Variants in FERMT2 observed in about 807,000 individuals in gnomAD.
FERMT2 encodes the protein FERM domain containing kindlin 2, also known as fermitin family homolog 2.
FERMT2 carries 15 observed loss-of-function variants against 82.7 expected under a neutral mutation model. That is an observed-to-expected ratio of 0.18 (90% confidence interval 0.12 to 0.28). The LOEUF is 0.28. Among genes scored for constraint, FERMT2 ranks in the 10% least tolerant of loss-of-function variants. The pLI is 1.00. For synonymous variants in FERMT2, 274 were observed against 271.5 expected, an observed-to-expected ratio of 1.01 and a Z score of -0.09; for missense variants, 645 against 809.4, an observed-to-expected ratio of 0.80 and a Z score of 2.46.
intron 6 of FERMT2, among the ~76,000 whole-genome samples, chr14:52,880,717 A>G (rs1210968882): frequency 6.6e-6 from 1 of 152,146 alleles, no homozygotes; most frequent in African/African-American, 2.4e-5. Context: ...CCAGTTCTAT[A>G]GTACCAAAAG....
At chr14:52,950,671 G>C (rs908604819) in intron 1 of FERMT2, 94 bp from the exon 2 acceptor site, 25 of 1,316,572 alleles carry the variant, frequency 1.9e-5, no homozygotes, top group Middle Eastern at 2.5e-4. Flanking sequence ...GGGCTGGGAG[G>C]TGGTGGAGGA....
intron 14 of FERMT2, chr14:52,859,016 G>C (rs1884739352): frequency 6.3e-6 from 1 of 157,604 alleles, no homozygotes; most frequent in Non-Finnish European, 1.4e-5. Flanking sequence ...TGACTTATTA[G>C]TAAAAGATGG....
At chr14:52,915,802 C>T (rs7143313) in intron 3 of FERMT2, among the ~76,000 whole-genome samples, 21,339 of 151,986 alleles carry the variant, frequency 0.14, 1,738 homozygotes, top group African/African-American at 0.22. Flanking sequence ...AAATCAATCA[C>T]GAACAAAGGT....
rs117234735 is a variant in FERMT2 at position 52,908,263 on chromosome 14, A to T, written c.391+10860T>A. On this transcript the variant is annotated intron_variant, in intron 3 of 14. Coordinates refer to ENST00000341590, the MANE Select transcript of FERMT2 (RefSeq NM_006832.3). ...AAATAGTACAGCCACTTTGGAAAAGAATTTGACTATTTATTACAAGCTGAA... is the reference window on the plus strand; with the variant it reads ...AAATAGTACAGCCACTTTGGAAAAGTATTTGACTATTTATTACAAGCTGAA... Among the ~76,000 whole-genome samples the T allele has an allele frequency of 5.6e-4, 85 of 152,316 alleles. No homozygotes were observed. In the East Asian group the frequency reaches 0.016, roughly 29 times the overall value.
chr14:52,878,455 T>A, intron 7 of FERMT2, 127 bp downstream of exon 7: 1 of 650,936 alleles, frequency 1.5e-6, no homozygotes, highest in East Asian at 2.8e-5. Context: ...AAGTGTCTAC[T>A]CACTTTCTTC....
rs192911239 is a variant in FERMT2, at chr14:52,915,541, A to G, written c.391+3582T>C. 3.7e-4 allele frequency among the ~76,000 whole-genome samples: 55 copies of G among 150,576 alleles called. 1 individual carries two copies. Among genetic ancestry groups the G allele is most frequent in the African/African-American group, 1.3e-3 (52 of 41,418 alleles). ...ATGTGGAGAAATAACAGACAATTCA[A>G]TAAACAGTGTTGGCTAGCATTTTCT... is the stretch of plus-strand genomic sequence containing the variant. On this transcript the variant is annotated intron_variant, in intron 3 of 14. Coordinates refer to ENST00000341590, the MANE Select transcript of FERMT2 (RefSeq NM_006832.3).
At position 52,858,186 on chromosome 14, in the gene FERMT2, T is replaced by TATTA. The variant is rs1026854121; in HGVS notation, c.*187_*190dup. On this transcript the variant is annotated 3_prime_UTR_variant, in exon 15 of 15. Transcript: ENST00000341590. ...AAGGAATGTGTGACAAATTCAAGTT[T>TATTA]ATTATATCATAACATGATAGATTAA... 9 of 528,148 alleles carry TATTA rather than the reference T, an allele frequency of 1.7e-5. No individual in the cohort carries two copies. Among genetic ancestry groups the TATTA allele is most frequent in the Admixed American group, 1.3e-4 (4 of 31,384 alleles). The allele number at this position is 528,148 out of a possible 1,614,324, so 32.7% of individuals were successfully genotyped here.
chr14:52,862,157 C>G (rs982860895), intron 12 of FERMT2: 1 of 152,180 alleles, frequency 6.6e-6, no homozygotes, highest in African/African-American at 2.4e-5. Context: ...CTCCACCTCC[C>G]GGGTACAGGT....
At chr14:52,927,721 A>G (rs1384560178) in intron 2 of FERMT2, among the ~76,000 whole-genome samples, 1 of 150,474 alleles carries the variant, frequency 6.6e-6, no homozygotes, top group Non-Finnish European at 1.5e-5. Context: ...TAGAAAGTTG[A>G]TCAAATCCCA....
intron 3 of FERMT2, among the ~76,000 whole-genome samples, chr14:52,907,740 G>A (rs951985827): frequency 1.3e-5 from 2 of 151,750 alleles, no homozygotes; most frequent in African/African-American, 4.8e-5. Flanking sequence ...TAATTCACAA[G>A]TGGAGATGAA....
intron 7 of FERMT2, among the ~76,000 whole-genome samples, chr14:52,875,863 T>C (rs1885925505): frequency 1.3e-5 from 2 of 152,190 alleles, no homozygotes; most frequent in South Asian, 2.1e-4. Context: ...CCTTGCTTCA[T>C]GTTCTGTATT....
At chr14:52,920,146 C>T (rs1046139530) in intron 2 of FERMT2, among the ~76,000 whole-genome samples, 5 of 152,078 alleles carry the variant, frequency 3.3e-5, no homozygotes, top group African/African-American at 1.2e-4. Context: ...TAAGGCAGGT[C>T]GTAACAATAA....
chr14:52,887,746 C>G (rs9646151), intron 4 of FERMT2, among the ~76,000 whole-genome samples: 123,338 of 152,014 alleles, frequency 0.81, 51,305 homozygotes, highest in Non-Finnish European at 0.9. Flanking sequence ...CTCCTTATTA[C>G]CTTTGTGACC....
chr14:52,885,792 A>C (rs550147451), intron 4 of FERMT2, among the ~76,000 whole-genome samples: 1 of 152,124 alleles, frequency 6.6e-6, no homozygotes, highest in Admixed American at 6.5e-5. Flanking sequence ...ATTTTAAAAA[A>C]TTTTCACCAA....
Position 52,858,340 on chromosome 14 carries a change from G to C in FERMT2, c.*37C>G. The C allele has an allele frequency of 6.4e-7, 1 of 1,555,970 alleles. No individual in the cohort carries two copies. Among genetic ancestry groups the C allele is most frequent in the Non-Finnish European group, 8.9e-7 (1 of 1,128,696 alleles). On this transcript the variant is annotated 3_prime_UTR_variant, in exon 15 of 15. Transcript: ENST00000341590. The stretch of plus-strand genomic sequence containing the variant: ...CAAACAGCTTTTAAAGTTAAATATT[G>C]TTATGGCCGTGGAGTTTCATTAAAC...
At chr14:52,933,843 G>C (rs1889713288) in intron 2 of FERMT2, among the ~76,000 whole-genome samples, 2 of 150,720 alleles carry the variant, frequency 1.3e-5, no homozygotes, top group Admixed American at 6.6e-5. Flanking sequence ...TTTTCTAGTA[G>C]CTCTTACCAC....
At chr14:52,916,331 G>A (rs1253734350) in intron 3 of FERMT2, among the ~76,000 whole-genome samples, 10 of 148,344 alleles carry the variant, frequency 6.7e-5, no homozygotes, top group East Asian at 2.0e-4. Context: ...GCAACAGAGC[G>A]AGACTCGTCT....
intron 2 of FERMT2, among the ~76,000 whole-genome samples, chr14:52,930,279 T>C (rs1170592726): frequency 6.6e-6 from 1 of 152,190 alleles, no homozygotes; most frequent in Non-Finnish European, 1.5e-5. Context: ...ACAATCTCTA[T>C]TGTGCAAAGT....
At chr14:52,874,808 C>T (rs1430779137) in intron 8 of FERMT2, among the ~76,000 whole-genome samples, 1 of 152,178 alleles carries the variant, frequency 6.6e-6, no homozygotes, top group Non-Finnish European at 1.5e-5. Flanking sequence ...ACTTTAAAAA[C>T]AAACTTCCCA....
Sources: allele counts gnomAD v4.1 joint callset (sites outside exome capture counted in the v4.1 genomes callset), GRCh38; gene constraint gnomAD v4.1.1; transcripts MANE v1.5; gene names NCBI Gene and HGNC (gene_info 2026-07-23, HGNC 2026-07-21).